Variants in WDR7 observed in about 807,000 individuals in gnomAD.
The protein encoded by WDR7 is WD repeat-containing protein 7.
Under a neutral mutation model 169.4 loss-of-function variants are expected in WDR7, and 46 were observed. The ratio of observed to expected loss-of-function variants is 0.27; its 90% CI spans 0.21 to 0.35. WDR7 has a LOEUF of 0.35. WDR7 is among the 10% of genes least tolerant of loss of function. The pLI, the probability that WDR7 is intolerant of heterozygous loss-of-function variation, is 1.00. For synonymous variants in WDR7, 612 were observed against 666.8 expected (o/e 0.92, Z 1.27); for missense variants, 1,534 against 1,859.3 (o/e 0.83, Z 3.22).
intron 25 of WDR7, among the ~76,000 whole-genome samples, chr18:56,959,086 G>A (rs1304353774): frequency 6.6e-6 from 1 of 152,084 alleles, no homozygotes; most frequent in Non-Finnish European, 1.5e-5. Context: ...GCCCATAAAA[G>A]CCTCCTTTGT....
intron 25 of WDR7, chr18:56,957,595 A>G (rs1282042556): frequency 1.3e-5 from 2 of 152,180 alleles, no homozygotes; most frequent in Non-Finnish European, 2.9e-5. Flanking sequence ...AAACAACTCA[A>G]TAAGAATTGC....
At chr18:56,828,472 T>A (rs2045250246) in intron 20 of WDR7, among the ~76,000 whole-genome samples, 1 of 152,148 alleles carries the variant, frequency 6.6e-6, no homozygotes, top group South Asian at 2.1e-4. Flanking sequence ...GATGTGGCCA[T>A]TTAGTTGACA....
chr18:56,792,854 A>G (rs2044516034), intron 19 of WDR7, among the ~76,000 whole-genome samples: 1 of 152,030 alleles, frequency 6.6e-6, no homozygotes, highest in Non-Finnish European at 1.5e-5. Flanking sequence ...AGTTAATACA[A>G]TCTTTCCCTT....
chr18:57,007,763 C>T (rs2048085100), intron 26 of WDR7, among the ~76,000 whole-genome samples: 1 of 152,130 alleles, frequency 6.6e-6, no homozygotes, highest in African/African-American at 2.4e-5. Flanking sequence ...GAGCCCAGGT[C>T]TTTCTTTTCT....
chr18:56,995,671 C>T (rs2047889047), intron 26 of WDR7, among the ~76,000 whole-genome samples: 1 of 152,190 alleles, frequency 6.6e-6, no homozygotes. Context: ...TACCACAAAA[C>T]ATTACAAAGT....
Position 56,783,250 on chromosome 18 carries a change from C to T in WDR7, c.3190+1594C>T, listed in dbSNP as rs1007395455. On this transcript the variant is annotated intron_variant, in intron 19 of 27. Transcript: ENST00000254442. ...AAAATATGTGCAGATTTTCAAATTT[C>T]CAGAATATAAAAAAGAGTTTCAAAA... Among the ~76,000 whole-genome samples the T allele has an allele frequency of 8.0e-5, 12 of 150,764 alleles. No homozygotes were observed. The South Asian group carries it at 1.3e-3, about 16-fold the overall frequency.
rs76116184 is a variant in WDR7, at chr18:56,928,769, A to T, written c.3713+4661A>T. ...ATCATCCCCACTTTGCAGATGAGAA[A>T]AAAATGAATCTGATAGAGAGATGCT... On this transcript the variant is annotated intron_variant, in intron 22 of 27. Coordinates refer to ENST00000254442, the MANE Select transcript of WDR7 (RefSeq NM_015285.3). Among the ~76,000 whole-genome samples the T allele has an allele frequency of 7.0e-3, 1,060 of 152,306 alleles. 37 individuals are homozygous for T. The East Asian group carries it at 0.12, about 17-fold the overall frequency.
At chr18:56,968,445 G>A (rs187642601) in intron 26 of WDR7, among the ~76,000 whole-genome samples, 42 of 152,234 alleles carry the variant, frequency 2.8e-4, no homozygotes, top group African/African-American at 1.0e-3. Context: ...TCAAATTGTT[G>A]TTTCTGTGTA....
chr18:56,936,191 A>C, intron 23 of WDR7: 1 of 341,910 alleles, frequency 2.9e-6, no homozygotes, highest in Non-Finnish European at 5.3e-6. Context: ...CAGGCATATG[A>C]AAACTCAAAT....
intron 16 of WDR7, among the ~76,000 whole-genome samples, chr18:56,769,166 T>A (rs1392089647): frequency 1.2e-4 from 18 of 152,140 alleles, no homozygotes; most frequent in Non-Finnish European, 4.4e-5. Context: ...TAACCACACT[T>A]TTATTCATGG....
At chr18:56,696,849 A>G (rs189371960) in intron 12 of WDR7, among the ~76,000 whole-genome samples, 32 of 152,308 alleles carry the variant, frequency 2.1e-4, no homozygotes, top group Admixed American at 1.3e-3. Context: ...ATGAATATAT[A>G]TGTTGGTAAA....
At position 56,756,958 on chromosome 18, in the gene WDR7, A is replaced by T. The variant is rs2043901169; in HGVS notation, c.2365A>T (p.Thr789Ser). The change falls in exon 15 of 28, where the codon ACC becomes TCC. Residue 789 changes from threonine (T) to serine (S), a missense_variant. By Grantham distance (58) the Thr-to-Ser change is moderately conservative. Coordinates refer to ENST00000254442, the MANE Select transcript of WDR7 (RefSeq NM_015285.3). Reference protein sequence around the residue: ...EYRSSKSKPLTLLEYNLTMDT... With the variant: ...EYRSSKSKPLSLLEYNLTMDT... ...TCGGTCCAGCAAATCAAAGCCATTGACCCTATTAGAATATAATTTAACTAT... is the reference window on the plus strand; with the variant it reads ...TCGGTCCAGCAAATCAAAGCCATTGTCCCTATTAGAATATAATTTAACTAT... 1 of 1,614,060 alleles carries T rather than the reference A, an allele frequency of 6.2e-7. No individual in the cohort carries two copies. Among genetic ancestry groups the T allele is most frequent in the East Asian group, 2.2e-5 (1 of 44,872 alleles).
intron 27 of WDR7, among the ~76,000 whole-genome samples, chr18:57,025,444 G>A (rs942144778): frequency 1.3e-5 from 2 of 152,194 alleles, no homozygotes; most frequent in Admixed American, 1.3e-4. Context: ...CTTCTGTGAA[G>A]TTTTTGGGAA....
chr18:56,980,419 C>T (rs1056254464), intron 26 of WDR7, among the ~76,000 whole-genome samples: 2 of 152,096 alleles, frequency 1.3e-5, no homozygotes, highest in African/African-American at 4.8e-5. Flanking sequence ...AGGCTGAGCT[C>T]GTTCATCCAC....
intron 19 of WDR7, among the ~76,000 whole-genome samples, chr18:56,807,921 C>T (rs747301002): frequency 6.6e-6 from 1 of 152,098 alleles, no homozygotes; most frequent in Non-Finnish European, 1.5e-5. Context: ...GGCTTTTCTA[C>T]AAGACATCTA....
intron 26 of WDR7, among the ~76,000 whole-genome samples, chr18:56,991,026 G>A (rs983655388): frequency 1.3e-5 from 2 of 152,090 alleles, no homozygotes; most frequent in Non-Finnish European, 2.9e-5. Context: ...CATTCAGGTT[G>A]GGTTGCTCAC....
At chr18:56,865,679 G>C (rs1378329750) in intron 20 of WDR7, among the ~76,000 whole-genome samples, 1 of 152,066 alleles carries the variant, frequency 6.6e-6, no homozygotes, top group Non-Finnish European at 1.5e-5. Context: ...TTCTGTGGAA[G>C]GCATGCTGAT....
intron 16 of WDR7, among the ~76,000 whole-genome samples, chr18:56,768,342 G>C (rs1296989910): frequency 6.6e-6 from 1 of 152,146 alleles, no homozygotes; most frequent in Non-Finnish European, 1.5e-5. Flanking sequence ...GTAAATGAAG[G>C]CCAGCAGTTC....
chr18:56,866,424 A>G (rs1199899667), intron 20 of WDR7, among the ~76,000 whole-genome samples: 1 of 152,084 alleles, frequency 6.6e-6, no homozygotes, highest in Non-Finnish European at 1.5e-5. Context: ...TAGGAGGTAT[A>G]TGAATCACCT....
Sources: gnomAD v4.1 joint callset for allele counts (sites outside exome capture counted in the v4.1 genomes callset) on GRCh38, gnomAD v4.1.1 for gene constraint, MANE v1.5 for transcripts, NCBI Gene and HGNC (gene_info 2026-07-23, HGNC 2026-07-21) for gene names.